Variants in ZNF423 observed in about 807,000 individuals in gnomAD.
ZNF423 encodes Ebf-associated zinc finger protein.
In ZNF423, 12 loss-of-function variants were observed where a neutral mutation model predicts 95.8. The ratio of observed to expected loss-of-function variants is 0.13; its 90% confidence interval spans 0.08 to 0.20. The LOEUF (loss-of-function observed/expected upper bound fraction) is 0.20. Among genes scored for constraint, ZNF423 ranks in the 10% least tolerant of loss-of-function variants. The pLI, the probability that ZNF423 is intolerant of heterozygous loss-of-function variation, is 1.00. For missense variants in ZNF423, 1,316 were observed against 1,737.1 expected, an observed-to-expected ratio of 0.76 and a Z score of 4.31; for synonymous variants, 749 against 711.9, an observed-to-expected ratio of 1.05 and a Z score of -0.83.
chr16:49,744,720 G>A (rs1345440272), intron 2 of ZNF423, among the ~76,000 whole-genome samples: 3 of 152,170 alleles, frequency 2.0e-5, no homozygotes, highest in Non-Finnish European at 4.4e-5. Context: ...CAAAGGTCAA[G>A]TGAACCGCAC....
At position 49,635,511 on chromosome 16, in the gene ZNF423, AAGG is replaced by A. The variant is rs1972655927; in HGVS notation, c.3516+146_3516+148del. 4 of 957,980 alleles carry A rather than the reference AAGG, an allele frequency of 4.2e-6. No individual in the cohort carries two copies. In the East Asian group the frequency reaches 1.2e-4, roughly 28 times the overall value. 59.3% of individuals were successfully genotyped at this position (957,980 alleles called of 1,614,324 possible). ...AATGGCAGTGCTGAGGTTCAAACTC[AAGG>A]AGTCTACAGCACAGCAGTTCTGTTT... On this transcript the variant is annotated intron_variant, in intron 4 of 7. Transcript: ENST00000563137. This position sits in a 1 kb window ranked among gnomAD's most constrained non-coding sequence, Gnocchi z 4.8.
chr16:49,583,656 GACCATT>G (rs1389891910), intron 5 of ZNF423, among the ~76,000 whole-genome samples: 24 of 152,072 alleles, frequency 1.6e-4, no homozygotes, highest in Admixed American at 1.2e-3. Flanking sequence ...CAAGCTCAAT[GACCATT>G]ACCCAGGGAG....
At chr16:49,840,597 A>G (rs2035172457) in intron 1 of ZNF423, among the ~76,000 whole-genome samples, 2 of 152,244 alleles carry the variant, frequency 1.3e-5, no homozygotes, top group South Asian at 4.1e-4. Context: ...GAATCACGCA[A>G]GCAATTTGAA....
At chr16:49,726,856 C>CAAAAAAAAAAA (rs368675702) in intron 3 of ZNF423, among the ~76,000 whole-genome samples, 56 of 94,748 alleles carry the variant, frequency 5.9e-4, no homozygotes, top group Non-Finnish European at 8.2e-4. Context: ...TTCCCCCTAG[C>CAAAAAAAAAAA]AAAAAAAAAA....
At chr16:49,797,504 C>T (rs11076500) in intron 1 of ZNF423, among the ~76,000 whole-genome samples, 1 of 152,198 alleles carries the variant, frequency 6.6e-6, no homozygotes, top group African/African-American at 2.4e-5. Context: ...ACAAACCCAA[C>T]GAGGAAGCCC....
At chr16:49,693,765 T>C (rs2031872864) in intron 3 of ZNF423, among the ~76,000 whole-genome samples, 2 of 152,154 alleles carry the variant, frequency 1.3e-5, no homozygotes, top group Admixed American at 6.5e-5. Context: ...TAACTTGCCC[T>C]CTTTTAGGAA....
rs1322586390 is a variant in ZNF423 at position 49,636,644 on chromosome 16, C to T, written c.2532G>A (p.Ala844=). 6 of 1,613,978 alleles carry T rather than the reference C, an allele frequency of 3.7e-6. No individual in the cohort carries two copies. The highest frequency in any genetic ancestry group is 2.2e-5 in the East Asian group (1 of 44,866). ...LREKHCVFDA[A]TENGTANGVP... ...CCCCATTGGCCGTGCCGTTCTCGGT[C>T]GCAGCATCAAACACACAGTGCTTCT... The change falls in exon 4 of 8, where the codon GCG becomes GCA. Residue 844 remains alanine (A), a synonymous_variant. Coordinates refer to ENST00000563137, the MANE Select transcript of ZNF423 (RefSeq NM_001379286.1). This position sits in a 1 kb window ranked among gnomAD's most constrained non-coding sequence, Gnocchi z 8.6.
chr16:49,837,794 T>C (rs1208405154), intron 1 of ZNF423, among the ~76,000 whole-genome samples: 5 of 152,078 alleles, frequency 3.3e-5, no homozygotes, highest in African/African-American at 1.2e-4. Flanking sequence ...AGTGAATGAG[T>C]TCAGAGCCAG....
At chr16:49,697,834 C>T (rs1458183016) in intron 3 of ZNF423, among the ~76,000 whole-genome samples, 1 of 152,284 alleles carries the variant, frequency 6.6e-6, no homozygotes, top group Non-Finnish European at 1.5e-5. Context: ...GCGGCATGAG[C>T]CCGCGGTGAT....
chr16:49,768,942 A>G (rs1259166313), intron 2 of ZNF423, among the ~76,000 whole-genome samples: 5 of 152,016 alleles, frequency 3.3e-5, no homozygotes, highest in Admixed American at 3.3e-4. Context: ...TTCTCCTAGC[A>G]CCCTGCATCT....
At chr16:49,499,090 A>T (rs11076484) in intron 7 of ZNF423, among the ~76,000 whole-genome samples, 18,924 of 152,208 alleles carry the variant, frequency 0.12, 1,305 homozygotes, top group East Asian at 0.22. Context: ...CCCACCCAGC[A>T]AGCCGAGGTT....
chr16:49,691,780 G>A (rs980312261), intron 3 of ZNF423, among the ~76,000 whole-genome samples: 1 of 152,062 alleles, frequency 6.6e-6, no homozygotes, highest in African/African-American at 2.4e-5. Flanking sequence ...TAACAGAGAT[G>A]TTGAGGGTAT....
chr16:49,642,640 A>C (rs1330540619), intron 3 of ZNF423, among the ~76,000 whole-genome samples: 11 of 152,150 alleles, frequency 7.2e-5, no homozygotes, highest in Admixed American at 7.2e-4. Context: ...CTTTTATTCA[A>C]AGAACATTCA....
At chr16:49,781,412 C>T (rs1279573657) in intron 2 of ZNF423, among the ~76,000 whole-genome samples, 1 of 152,162 alleles carries the variant, frequency 6.6e-6, no homozygotes, top group Non-Finnish European at 1.5e-5. Context: ...AGCTCAGGTC[C>T]AACAGGGACT....
Position 49,510,486 on chromosome 16 carries a change from C to T in ZNF423, c.3849+13138G>A, listed in dbSNP as rs140950891. On this transcript the variant is annotated intron_variant, in intron 7 of 7. Coordinates refer to ENST00000563137, the MANE Select transcript of ZNF423 (RefSeq NM_001379286.1). ...GCTGCTAGGGACCTCACAGCAAGCC[C>T]TTCCCGTGAGTAGCTTCTTACGACC... is the stretch of plus-strand genomic sequence containing the variant. Among the ~76,000 whole-genome samples, 313 of 152,318 alleles carry T rather than the reference C, an allele frequency of 2.1e-3. 3 individuals are homozygous for T. The highest frequency in any genetic ancestry group is 4.0e-3 in the Non-Finnish European group (274 of 68,030).
intron 1 of ZNF423, chr16:49,854,700 AGAG>A (rs1476407860): frequency 1.0e-6 from 1 of 985,288 alleles, no homozygotes; most frequent in Non-Finnish European, 1.2e-6. Context: ...AGCCGCGGGG[AGAG>A]GAGGCCAGGG....
At chr16:49,534,753 A>G (rs1318367996) in intron 5 of ZNF423, among the ~76,000 whole-genome samples, 2 of 152,150 alleles carry the variant, frequency 1.3e-5, no homozygotes, top group African/African-American at 4.8e-5. Flanking sequence ...GTGTTCTCTC[A>G]TGGCACGTCC....
chr16:49,730,591 G>T, intron 3 of ZNF423, 180 bp downstream of exon 3: 1 of 680,370 alleles, frequency 1.5e-6, no homozygotes, highest in Non-Finnish European at 2.5e-6. Flanking sequence ...GAAAGCTGTT[G>T]CTTTTATTTT....
upstream of ZNF423, among the ~76,000 whole-genome samples, chr16:49,856,579 C>T (rs1389362521): frequency 6.6e-6 from 1 of 151,678 alleles, no homozygotes; most frequent in East Asian, 1.9e-4. Context: ...GGAGGGGAGG[C>T]TCGAAACGGC....
Sources: allele counts gnomAD v4.1 joint callset (sites outside exome capture counted in the v4.1 genomes callset), GRCh38; gene constraint gnomAD v4.1.1; non-coding constraint Gnocchi (gnomAD v3.1); transcripts MANE v1.5; gene names NCBI Gene and HGNC (gene_info 2026-07-23, HGNC 2026-07-21).